Variants in RABEP1 observed in about 807,000 individuals in gnomAD.
The protein encoded by RABEP1 is rabaptin, RAB GTPase binding effector protein 1.
RABEP1 carries 51 observed loss-of-function variants against 123.4 expected under a neutral mutation model. The observed-to-expected ratio is 0.41, with a 90% CI of 0.33 to 0.52. The LOEUF (loss-of-function observed/expected upper bound fraction) is 0.52. Among genes scored for constraint, RABEP1 ranks in the 20% least tolerant of loss-of-function variants. The probability of loss-of-function intolerance (pLI) is 0.16; values close to 1 mark genes in which losing one functional copy is unlikely to be tolerated. For missense variants in RABEP1, 888 were observed against 996.3 expected (o/e 0.89, Z 1.46); for synonymous variants, 347 against 355.2 (o/e 0.98, Z 0.26).
At chr17:5,283,305 T>TAA (rs776104482) in intron 1 of RABEP1, among the ~76,000 whole-genome samples, 1 of 142,252 alleles carries the variant, frequency 7.0e-6, no homozygotes, top group African/African-American at 2.6e-5. Flanking sequence ...CTTGTGGAAC[T>TAA]AAAAAAAAAA....
intron 1 of RABEP1, among the ~76,000 whole-genome samples, chr17:5,301,306 G>T (rs974056534): frequency 1.3e-5 from 2 of 152,128 alleles, no homozygotes; most frequent in Admixed American, 6.5e-5. Context: ...GTGTTTGATT[G>T]GAGGAGGCTG....
Position 5,377,260 on chromosome 17 carries a change from G to A in RABEP1, c.2170G>A (p.Glu724Lys). ...AGAACAGTGTTTAAAAGAAAATCTT[G>A]AAGAAACTCTGCAACTAGAAATAGA... is the stretch of plus-strand genomic sequence containing the variant. ...QAEQCLKENL[E>K]ETLQLEIENC... The change falls in exon 14 of 18, where the codon GAA (glutamate) becomes AAA (lysine). Residue 724 changes from glutamate to lysine, a missense_variant. Physicochemically the swap from Glu to Lys is moderately conservative, Grantham distance 56. Coordinates refer to ENST00000537505, the MANE Select transcript of RABEP1 (RefSeq NM_004703.6). The A allele has an allele frequency of 6.3e-7, 1 of 1,592,956 alleles. No individual in the cohort carries two copies. The highest frequency in any genetic ancestry group is 8.5e-7 in the Non-Finnish European group (1 of 1,175,272).
chr17:5,315,276 G>C (rs1204470753), intron 2 of RABEP1, among the ~76,000 whole-genome samples: 1 of 152,104 alleles, frequency 6.6e-6, no homozygotes, highest in African/African-American at 2.4e-5. Flanking sequence ...AATTAAAATA[G>C]TGTTTGCTAA....
intron 2 of RABEP1, among the ~76,000 whole-genome samples, chr17:5,324,709 T>C (rs999947314): frequency 6.6e-6 from 1 of 152,222 alleles, no homozygotes; most frequent in Non-Finnish European, 1.5e-5. Context: ...AGAAGATTTG[T>C]TAAAGAAGCA....
chr17:5,381,429 C>T lies in RABEP1; in HGVS notation c.2411C>T (p.Ala804Val), dbSNP rs761169703. 1 of 1,613,568 alleles carries T rather than the reference C, an allele frequency of 6.2e-7. No individual in the cohort carries two copies. Among genetic ancestry groups the T allele is most frequent in the South Asian group, 1.1e-5 (1 of 91,004 alleles). ...EQLMFEEKNKAQRLQTELDVS... is the reference protein window; with the variant it reads ...EQLMFEEKNKVQRLQTELDVS... Reference sequence around the variant, plus strand: ...CTAATGTTTGAAGAGAAGAATAAAGCTCAGAGATTACAGACAGAATTAGAT... The same window carrying T: ...CTAATGTTTGAAGAGAAGAATAAAGTTCAGAGATTACAGACAGAATTAGAT... Residue 804 changes from alanine to valine, a missense_variant, in exon 17 of 18, where the codon GCT (alanine) becomes GTT (valine). By Grantham distance (64) the Ala-to-Val change is moderately conservative. Transcript: ENST00000537505.
intron 5 of RABEP1, among the ~76,000 whole-genome samples, chr17:5,344,407 C>A (rs555918968): frequency 6.6e-6 from 1 of 152,014 alleles, no homozygotes; most frequent in South Asian, 2.1e-4. Context: ...CACTGCACTC[C>A]AGCCAGAGCA....
At chr17:5,323,317 G>C (rs1308926016) in intron 2 of RABEP1, among the ~76,000 whole-genome samples, 1 of 152,130 alleles carries the variant, frequency 6.6e-6, no homozygotes, top group East Asian at 1.9e-4. Context: ...GCCCACTTCA[G>C]CCAGTTTTAT....
At chr17:5,351,453 T>C (rs1242959665) in intron 7 of RABEP1, among the ~76,000 whole-genome samples, 2 of 152,182 alleles carry the variant, frequency 1.3e-5, no homozygotes, top group East Asian at 3.8e-4. Context: ...GTTTATGATA[T>C]ACATTTAGGG....
In RABEP1 at chr17:5,369,124, T is replaced by A. The variant is rs188876670; in HGVS notation, c.1884+656T>A. ...ACTCTCTTTCAAAAGAAAAAAAAAA[T>A]AACCTTATTAGTTTCACAGGGGTTA... On this transcript the variant is annotated intron_variant, in intron 12 of 17. Transcript: ENST00000537505. 1.7e-4 allele frequency among the ~76,000 whole-genome samples: 26 copies of A among 151,576 alleles called. No homozygotes were observed. In the East Asian group the frequency reaches 5.0e-3, roughly 29 times the overall value.
At chr17:5,320,063 C>G (rs1457439324) in intron 2 of RABEP1, among the ~76,000 whole-genome samples, 2 of 151,940 alleles carry the variant, frequency 1.3e-5, no homozygotes, top group Non-Finnish European at 2.9e-5. Context: ...CCAAATAAAA[C>G]CACCCCAAGG....
chr17:5,325,261 G>T (rs576278642), intron 2 of RABEP1, among the ~76,000 whole-genome samples: 1 of 152,050 alleles, frequency 6.6e-6, no homozygotes, highest in Non-Finnish European at 1.5e-5. Flanking sequence ...GCTTGAACCC[G>T]GGAGGTGGAG....
At chr17:5,316,755 C>T (rs2075300313) in intron 2 of RABEP1, among the ~76,000 whole-genome samples, 1 of 139,578 alleles carries the variant, frequency 7.2e-6, no homozygotes, top group African/African-American at 2.7e-5. Flanking sequence ...ATTGCCTGAA[C>T]CCAAGAGACA....
At chr17:5,365,566 A>G (rs1421876422) in intron 11 of RABEP1, among the ~76,000 whole-genome samples, 1 of 151,986 alleles carries the variant, frequency 6.6e-6, no homozygotes, top group Admixed American at 6.6e-5. Context: ...GTATAGCAAC[A>G]TGAAAGAAAA....
intron 2 of RABEP1, among the ~76,000 whole-genome samples, chr17:5,320,197 C>T (rs956662412): frequency 2.0e-5 from 3 of 150,930 alleles, no homozygotes; most frequent in Admixed American, 6.6e-5. Context: ...TAGTACAAAC[C>T]ATAAAGGTAA....
intron 5 of RABEP1, among the ~76,000 whole-genome samples, chr17:5,338,509 A>G (rs899740013): frequency 1.1e-4 from 17 of 152,230 alleles, no homozygotes; most frequent in African/African-American, 3.9e-4. Context: ...CGGAGGTTGC[A>G]GTGAGCTGAG....
intron 2 of RABEP1, among the ~76,000 whole-genome samples, chr17:5,320,631 AAAGTGGAGCTAAGTTGTAGAAG>A (rs1224358454): frequency 6.6e-6 from 1 of 152,170 alleles, no homozygotes; most frequent in East Asian, 1.9e-4. Context: ...AAATGTGGGG[AAAGTGGAGCTAAGTTGTAGAAG>A]TTTTTTTCCC....
chr17:5,288,714 AT>A (rs1260122967), intron 1 of RABEP1, among the ~76,000 whole-genome samples: 5 of 133,738 alleles, frequency 3.7e-5, no homozygotes, highest in African/African-American at 1.4e-4. Context: ...TCTTTTCTTT[AT>A]TTTTTTGAGA....
At chr17:5,355,554 C>G (rs1908943553) in intron 8 of RABEP1, among the ~76,000 whole-genome samples, 1 of 152,168 alleles carries the variant, frequency 6.6e-6, no homozygotes, top group South Asian at 2.1e-4. Context: ...GTGGCCTGTC[C>G]CTGCGGCTTA....
At chr17:5,359,713 C>T (rs1909336215) in intron 8 of RABEP1, among the ~76,000 whole-genome samples, 1 of 151,986 alleles carries the variant, frequency 6.6e-6, no homozygotes, top group Non-Finnish European at 1.5e-5. Flanking sequence ...CATGAGCTTG[C>T]CAGTAACAAC....
Sources: allele counts gnomAD v4.1 joint callset (sites outside exome capture counted in the v4.1 genomes callset), GRCh38; gene constraint gnomAD v4.1.1; transcripts MANE v1.5; gene names NCBI Gene and HGNC (gene_info 2026-07-23, HGNC 2026-07-21).